CTNNA2: variants seen among roughly 807,000 people sequenced by gnomAD.
CTNNA2 encodes the protein catenin alpha 2.
Under a neutral mutation model 101.0 loss-of-function variants are expected in CTNNA2, and 42 were observed. The ratio of observed to expected loss-of-function variants is 0.42; its 90% CI spans 0.32 to 0.54. The LOEUF (loss-of-function observed/expected upper bound fraction) is 0.54. Among genes scored for constraint, CTNNA2 ranks in the 20% least tolerant of loss-of-function variants. CTNNA2 has a pLI of 0.14. For synonymous variants in CTNNA2, 450 were observed against 456.4 expected (o/e 0.99, Z 0.18); for missense variants, 871 against 1,223.1 (o/e 0.71, Z 4.29).
intron 8 of CTNNA2, among the ~76,000 whole-genome samples, chr2:80,415,209 T>C (rs943526193): frequency 2.0e-5 from 3 of 152,156 alleles, no homozygotes; most frequent in Non-Finnish European, 2.9e-5. Context: ...CCTAATTTAA[T>C]TGGGAGGCAG....
chr2:80,648,152 A>T lies in CTNNA2; in HGVS notation c.*280A>T, dbSNP rs1375254404. On this transcript the variant is annotated 3_prime_UTR_variant, in exon 19 of 19. Transcript: ENST00000402739. ...CAGAGTTCGCATTGGCGCAATATTTATGGGAGTGGGAGGGATGGGGAAAAT... is the reference window on the plus strand; with the variant it reads ...CAGAGTTCGCATTGGCGCAATATTTTTGGGAGTGGGAGGGATGGGGAAAAT... 7 of 249,414 alleles carry T rather than the reference A, an allele frequency of 2.8e-5. No homozygotes were observed. Among genetic ancestry groups the T allele is most frequent in the Admixed American group, 5.3e-5 (1 of 19,026 alleles). 15.5% of individuals were successfully genotyped at this position (249,414 alleles called of 1,614,324 possible).
intron 1 of CTNNA2, among the ~76,000 whole-genome samples, chr2:79,549,006 G>A (rs953077916): frequency 1.3e-5 from 2 of 152,102 alleles, no homozygotes; most frequent in South Asian, 2.1e-4. Flanking sequence ...GTGAAGGTCC[G>A]TTGCCGCTTA....
At chr2:79,874,548 C>T (rs535731291) in intron 6 of CTNNA2, among the ~76,000 whole-genome samples, 4 of 152,248 alleles carry the variant, frequency 2.6e-5, no homozygotes, top group South Asian at 2.1e-4. Flanking sequence ...ACTGTGGCTG[C>T]GGTGGCTCAC....
chr2:80,286,670 A>G (rs1049737422), intron 7 of CTNNA2, among the ~76,000 whole-genome samples: 3 of 152,082 alleles, frequency 2.0e-5, no homozygotes, highest in African/African-American at 4.8e-5. Flanking sequence ...CCACCCACCT[A>G]ACTAGACACA....
At chr2:80,393,061 G>A (rs1677671356) in intron 7 of CTNNA2, 150 bp from the exon 8 acceptor site, 5 of 548,288 alleles carry the variant, frequency 9.1e-6, no homozygotes, top group Non-Finnish European at 1.6e-5. Context: ...CAACTTTAGA[G>A]ACCAAATCAT....
At chr2:79,868,658 C>A (rs772339473) in intron 4 of CTNNA2, among the ~76,000 whole-genome samples, 1 of 152,156 alleles carries the variant, frequency 6.6e-6, no homozygotes, top group Non-Finnish European at 1.5e-5. Flanking sequence ...CTTTAATTTG[C>A]CCAAAATTAC....
chr2:80,014,089 A>T (rs964303927), intron 7 of CTNNA2, among the ~76,000 whole-genome samples: 1 of 152,232 alleles, frequency 6.6e-6, no homozygotes, highest in African/African-American at 2.4e-5. Context: ...ATCAAGTTAT[A>T]TATCTACAAA....
At chr2:79,628,664 T>C (rs975958362) in intron 1 of CTNNA2, among the ~76,000 whole-genome samples, 1 of 152,222 alleles carries the variant, frequency 6.6e-6, no homozygotes, top group Non-Finnish European at 1.5e-5. Context: ...ACCATAAATA[T>C]CACTTAATTT....
intron 7 of CTNNA2, among the ~76,000 whole-genome samples, chr2:80,191,391 G>A (rs1706490985): frequency 6.6e-6 from 1 of 152,118 alleles, no homozygotes; most frequent in Non-Finnish European, 1.5e-5. Flanking sequence ...TATTTATTCA[G>A]TACTTGCTGT....
At chr2:80,225,134 T>C (rs2149062686) in intron 7 of CTNNA2, among the ~76,000 whole-genome samples, 1 of 152,230 alleles carries the variant, frequency 6.6e-6, no homozygotes, top group African/African-American at 2.4e-5. Context: ...GTCAGTGCTG[T>C]CTCCTCCTTG....
intron 8 of CTNNA2, among the ~76,000 whole-genome samples, chr2:80,396,842 A>G (rs1398511466): frequency 6.6e-6 from 1 of 152,214 alleles, no homozygotes; most frequent in Non-Finnish European, 1.5e-5. Context: ...CTTCACCCTT[A>G]CTAGCCACCA....
At chr2:79,922,721 C>T (rs76019939) in intron 7 of CTNNA2, among the ~76,000 whole-genome samples, 6,737 of 148,822 alleles carry the variant, frequency 0.045, 205 homozygotes, top group Non-Finnish European at 0.07. Flanking sequence ...TTTGTGATTT[C>T]AGATTATTTA....
chr2:79,972,952 T>C (rs1690590027), intron 7 of CTNNA2, among the ~76,000 whole-genome samples: 1 of 152,210 alleles, frequency 6.6e-6, no homozygotes, highest in African/African-American at 2.4e-5. Context: ...GTGACAAGAG[T>C]TATGATGTCA....
In CTNNA2 at chr2:79,720,729, T is replaced by C. The variant is rs143407790; in HGVS notation, c.103-23658T>C. Among the ~76,000 whole-genome samples the C allele has an allele frequency of 8.0e-3, 1,215 of 152,256 alleles. 19 individuals are homozygous for C. The highest frequency in any genetic ancestry group is 0.028 in the African/African-American group (1,150 of 41,564). ...ATAGAAATGCTACTTTTTTTGTACA[T>C]ATCCAGGAACCTTGCTAAACCTGTT... On this transcript the variant is annotated intron_variant, in intron 2 of 18. Transcript: ENST00000402739.
intron 18 of CTNNA2, among the ~76,000 whole-genome samples, chr2:80,625,776 T>C (rs978671612): frequency 6.6e-6 from 1 of 152,086 alleles, no homozygotes; most frequent in Admixed American, 6.6e-5. Flanking sequence ...CTTTCATTCA[T>C]TTATTTCTAT....
At chr2:80,296,690 G>C (rs1675775355) in intron 7 of CTNNA2, among the ~76,000 whole-genome samples, 1 of 152,158 alleles carries the variant, frequency 6.6e-6, no homozygotes, top group Non-Finnish European at 1.5e-5. Context: ...TTCTGTCGTG[G>C]AGCAGGGTTT....
rs917684307 is a variant in CTNNA2, at chr2:80,382,615, C to T, written c.1057-10596C>T. On this transcript the variant is annotated intron_variant, in intron 7 of 18. Coordinates refer to ENST00000402739, the MANE Select transcript of CTNNA2 (RefSeq NM_001282597.3). ...GGAAGGGGTGATGGAGGAATTACAA[C>T]ATGAGCTGGCTCTTGATAGAATGGT... is the stretch of plus-strand genomic sequence containing the variant. Among the ~76,000 whole-genome samples the T allele has an allele frequency of 3.3e-5, 5 of 152,208 alleles. No individual in the cohort carries two copies. The East Asian group carries it at 9.6e-4, about 29-fold the overall frequency.
chr2:79,562,489 C>T (rs1385541878), intron 1 of CTNNA2, among the ~76,000 whole-genome samples: 1 of 151,966 alleles, frequency 6.6e-6, no homozygotes, highest in Non-Finnish European at 1.5e-5. Flanking sequence ...TTTTTAGCCT[C>T]TAATTTCTCT....
chr2:79,437,110 T>C (rs1678724778), intron 4 of CTNNA2, among the ~76,000 whole-genome samples: 1 of 151,914 alleles, frequency 6.6e-6, no homozygotes, highest in Admixed American at 6.6e-5. Flanking sequence ...GGTGTGTGCC[T>C]GTAATCCCAG....
Sources: gnomAD v4.1 joint callset for allele counts (sites outside exome capture counted in the v4.1 genomes callset) on GRCh38, gnomAD v4.1.1 for gene constraint, MANE v1.5 for transcripts, NCBI Gene and HGNC (gene_info 2026-07-23, HGNC 2026-07-21) for gene names.